BTBD10: variants seen among roughly 807,000 people sequenced by gnomAD.
The protein encoded by BTBD10 is BTB domain containing 10.
BTBD10 carries 21 observed loss-of-function variants against 53.2 expected under a neutral mutation model. The observed-to-expected ratio is 0.39, with a 90% CI of 0.28 to 0.57. The LOEUF (loss-of-function observed/expected upper bound fraction) is 0.57, where lower values mean the gene tolerates loss of function less well. BTBD10 is among the 20% of genes least tolerant of loss of function. The pLI, the probability that BTBD10 is intolerant of heterozygous loss-of-function variation, is 0.53. For missense variants in BTBD10, 360 were observed against 594.7 expected (o/e 0.61, Z 4.10); for synonymous variants, 149 against 192.7 (o/e 0.77, Z 1.88).
Position 13,421,792 on chromosome 11 carries a change from T to C in BTBD10, c.148A>G (p.Ser50Gly). The C allele has an allele frequency of 6.2e-7, 1 of 1,613,930 alleles. No homozygotes were observed. Among genetic ancestry groups the C allele is most frequent in the Middle Eastern group, 1.7e-4 (1 of 6,060 alleles). The change falls in exon 3 of 9, where the codon AGT becomes GGT. Residue 50 changes from serine to glycine, a missense_variant. Coordinates refer to ENST00000278174, the MANE Select transcript of BTBD10 (RefSeq NM_032320.7). ...AKGGVDHTKM[S>G]LHGASGGHER... The stretch of plus-strand genomic sequence containing the variant: ...TGTCCCCCACTAGCACCATGTAGAC[T>C]CATTTTGGTGTGGTCAACTCCTCCT...
intron 1 of BTBD10, among the ~76,000 whole-genome samples, chr11:13,455,919 T>C (rs1950956679): frequency 6.6e-6 from 1 of 152,216 alleles, no homozygotes; most frequent in African/African-American, 2.4e-5. Flanking sequence ...CAGCCATCAA[T>C]TCAACAGGCT....
chr11:13,399,986 C>T lies in BTBD10; in HGVS notation c.1117+3182G>A, dbSNP rs1425984874. On this transcript the variant is annotated intron_variant, in intron 8 of 8. Coordinates refer to ENST00000278174, the MANE Select transcript of BTBD10 (RefSeq NM_032320.7). ...GGGGGTGCCTCCCAGTTAGGCTACTCGGGGCTCAGGGACCCACTTCAGGAG... is the reference window on the plus strand; with the variant it reads ...GGGGGTGCCTCCCAGTTAGGCTACTTGGGGCTCAGGGACCCACTTCAGGAG... Among the ~76,000 whole-genome samples the T allele has an allele frequency of 5.3e-5, 8 of 152,336 alleles. 1 individual carries two copies. The South Asian group carries it at 1.0e-3, about 20-fold the overall frequency.
chr11:13,418,031 T>C (rs1306753026), intron 4 of BTBD10, among the ~76,000 whole-genome samples: 2 of 152,038 alleles, frequency 1.3e-5, no homozygotes, highest in African/African-American at 4.8e-5. Context: ...CTCCAGAAAA[T>C]TTAAAAATCA....
intron 8 of BTBD10, among the ~76,000 whole-genome samples, chr11:13,395,678 C>T (rs979286819): frequency 2.6e-4 from 40 of 152,246 alleles, no homozygotes; most frequent in African/African-American, 9.4e-4. Context: ...TTAGGTCTAA[C>T]ATGTAAGTCT....
At chr11:13,442,440 G>A (rs1435560078) in intron 2 of BTBD10, among the ~76,000 whole-genome samples, 1 of 152,054 alleles carries the variant, frequency 6.6e-6, no homozygotes, top group Non-Finnish European at 1.5e-5. Context: ...CAAGTTGGAT[G>A]GTCCTGGGCA....
In BTBD10 at chr11:13,388,782, C is replaced by T. The variant is rs748816783; in HGVS notation, c.*49G>A. 1 of 1,553,764 alleles carries T rather than the reference C, an allele frequency of 6.4e-7. No individual in the cohort carries two copies. The highest frequency in any genetic ancestry group is 1.2e-5 in the South Asian group (1 of 82,968). On this transcript the variant is annotated 3_prime_UTR_variant, in exon 9 of 9. Transcript: ENST00000278174. ...CTTGCAGTGCAGAATGAGGAGAGTACAACGTCACTGTGAAGAGTAGCATGC... is the reference window on the plus strand; with the variant it reads ...CTTGCAGTGCAGAATGAGGAGAGTATAACGTCACTGTGAAGAGTAGCATGC...
intron 2 of BTBD10, among the ~76,000 whole-genome samples, chr11:13,439,258 A>G (rs2134018257): frequency 6.6e-6 from 1 of 152,238 alleles, no homozygotes; most frequent in African/African-American, 2.4e-5. Context: ...TTAAGATTTA[A>G]AATCTCACAG....
intron 1 of BTBD10, among the ~76,000 whole-genome samples, chr11:13,452,689 G>A (rs1950885320): frequency 6.6e-6 from 1 of 152,114 alleles, no homozygotes; most frequent in Non-Finnish European, 1.5e-5. Flanking sequence ...AGTGAGTAAT[G>A]AAGACGTTTT....
At chr11:13,452,982 G>T (rs552151848) in intron 1 of BTBD10, among the ~76,000 whole-genome samples, 1 of 151,996 alleles carries the variant, frequency 6.6e-6, no homozygotes, top group African/African-American at 2.4e-5. Flanking sequence ...ATTATACATG[G>T]TATAATTACA....
intron 3 of BTBD10, among the ~76,000 whole-genome samples, chr11:13,420,423 A>T (rs1591129047): frequency 6.6e-6 from 1 of 152,254 alleles, no homozygotes; most frequent in African/African-American, 2.4e-5. Context: ...TACAAATTTT[A>T]TGATCTATAA....
chr11:13,436,813 ACT>A (rs984043035), intron 2 of BTBD10, among the ~76,000 whole-genome samples: 1 of 152,104 alleles, frequency 6.6e-6, no homozygotes, highest in Non-Finnish European at 1.5e-5. Context: ...AAAGAGTCTC[ACT>A]CTGTCATCCA....
Position 13,417,398 on chromosome 11 carries a change from A to G in BTBD10, c.585-138T>C, listed in dbSNP as rs1170767967. 4 of 576,154 alleles carry G rather than the reference A, an allele frequency of 6.9e-6. No homozygotes were observed. The Admixed American group carries it at 1.3e-4, about 19-fold the overall frequency. The allele number at this position is 576,154 out of a possible 1,614,324, so 35.7% of individuals were successfully genotyped here. A position where few individuals can be genotyped will look rare whatever the true frequency, so the allele number is the denominator to read the frequency against. On this transcript the variant is annotated intron_variant, in intron 4 of 8. Coordinates refer to ENST00000278174, the MANE Select transcript of BTBD10 (RefSeq NM_032320.7). ...ATTTTTATCATTAATTTATTCTGGC[A>G]AACATCATAAAAGAAAGAATATTAA...
chr11:13,441,269 G>C lies in BTBD10; in HGVS notation c.101+3755C>G, dbSNP rs533986423. ...AAGAGATATACATCTACATTCAAAA[G>C]AAAGTTTAAAAAAGAAAGCACCTTT... On this transcript the variant is annotated intron_variant, in intron 2 of 8. Transcript: ENST00000278174. Among the ~76,000 whole-genome samples the C allele has an allele frequency of 2.0e-5, 3 of 152,014 alleles. No homozygotes were observed. In the East Asian group the frequency reaches 5.8e-4, roughly 29 times the overall value.
At chr11:13,401,493 C>T (rs762404807) in intron 8 of BTBD10, among the ~76,000 whole-genome samples, 6 of 151,900 alleles carry the variant, frequency 3.9e-5, no homozygotes, top group African/African-American at 1.2e-4. Flanking sequence ...ATTATTCTAA[C>T]GAATAATTTC....
intron 8 of BTBD10, among the ~76,000 whole-genome samples, chr11:13,398,693 C>T (rs1591093742): frequency 6.6e-6 from 1 of 152,248 alleles, no homozygotes; most frequent in East Asian, 1.9e-4. Flanking sequence ...GTTGTTCCTT[C>T]CCATATTTAG....
intron 2 of BTBD10, among the ~76,000 whole-genome samples, chr11:13,425,204 A>C (rs1950313923): frequency 6.6e-6 from 1 of 152,218 alleles, no homozygotes. Flanking sequence ...GGAAAGCCTA[A>C]TAATTTATAG....
In BTBD10 at chr11:13,460,710, C is replaced by T. The variant is rs1300526754; in HGVS notation, c.-58+2382G>A. 2.0e-5 allele frequency among the ~76,000 whole-genome samples: 3 copies of T among 152,328 alleles called. No individual in the cohort carries two copies. The East Asian group carries it at 5.8e-4, about 29-fold the overall frequency. On this transcript the variant is annotated intron_variant, in intron 1 of 8. Coordinates refer to ENST00000278174, the MANE Select transcript of BTBD10 (RefSeq NM_032320.7). Reference sequence around the variant, plus strand: ...TTCTTTCCATCCTGTTGCCAAACCCCTCCAATCTCCATCTGGCATGGAATA... The same window carrying T: ...TTCTTTCCATCCTGTTGCCAAACCCTTCCAATCTCCATCTGGCATGGAATA...
chr11:13,410,747 TTATTA>T (rs1426597384), intron 6 of BTBD10, among the ~76,000 whole-genome samples: 2 of 152,202 alleles, frequency 1.3e-5, no homozygotes. Flanking sequence ...TTCAGTAACT[TTATTA>T]TAAGTTAGCA....
intron 2 of BTBD10, among the ~76,000 whole-genome samples, chr11:13,424,223 G>A (rs548564004): frequency 2.0e-5 from 3 of 152,248 alleles, no homozygotes; most frequent in African/African-American, 7.2e-5. Flanking sequence ...CAAGGTACAA[G>A]CACAACAACG....
Sources: gnomAD v4.1 joint callset for allele counts (sites outside exome capture counted in the v4.1 genomes callset) on GRCh38, gnomAD v4.1.1 for gene constraint, MANE v1.5 for transcripts, NCBI Gene and HGNC (gene_info 2026-07-23, HGNC 2026-07-21) for gene names.